OPHN1: variants seen among roughly 807,000 people sequenced by gnomAD.
The protein encoded by OPHN1 is oligophrenin-1.
Under a neutral mutation model 60.7 loss-of-function variants are expected in OPHN1, and 11 were observed. The ratio of observed to expected loss-of-function variants is 0.18; its 90% confidence interval spans 0.11 to 0.30. The LOEUF (loss-of-function observed/expected upper bound fraction) is 0.30, where lower values mean the gene tolerates loss of function less well. Ranked by LOEUF, OPHN1 falls within the 10% of genes least tolerant of loss-of-function variation. The pLI is 1.00. For missense variants in OPHN1, 449 were observed against 611.0 expected, an observed-to-expected ratio of 0.73 and a Z score of 2.80; for synonymous variants, 226 against 222.6, an observed-to-expected ratio of 1.02 and a Z score of -0.14.
At chrX:68,422,782 A>AAAGAGAGAGAGGGAGGGAGG (rs2078835038) in intron 2 of OPHN1, among the ~76,000 whole-genome samples, 2 of 63,196 alleles carry the variant, frequency 3.2e-5, no homozygotes, top group Non-Finnish European at 5.8e-5. Context: ...AGAAAGAAAG[A>AAAGAGAGAGAGGGAGGGAGG]GAGAGAGGGA....
intron 15 of OPHN1, among the ~76,000 whole-genome samples, chrX:68,135,950 G>A (rs1328432199): frequency 9.0e-6 from 1 of 111,537 alleles, no homozygotes; most frequent in Non-Finnish European, 1.9e-5. Context: ...TTCAGTGAAG[G>A]TGCCAAATAA....
intron 19 of OPHN1, among the ~76,000 whole-genome samples, chrX:68,090,273 T>TGTGTGTGTAG (rs1299278334): frequency 9.1e-6 from 1 of 109,934 alleles, no homozygotes; most frequent in Non-Finnish European, 1.9e-5. Context: ...TGTGTGTGTG[T>TGTGTGTGTAG]GTAGGTAGGT....
At chrX:68,426,201 G>A (rs2078854713) in intron 2 of OPHN1, among the ~76,000 whole-genome samples, 1 of 111,193 alleles carries the variant, frequency 9.0e-6, no homozygotes, top group Non-Finnish European at 1.9e-5. Context: ...AGCACTTTGG[G>A]AGGCCGAGAT....
intron 2 of OPHN1, among the ~76,000 whole-genome samples, chrX:68,335,293 TTCTCTA>T (rs2078316804): frequency 9.0e-6 from 1 of 111,615 alleles, no homozygotes; most frequent in Non-Finnish European, 1.9e-5. Flanking sequence ...ACAGTTCTCT[TTCTCTA>T]TGCCAGTGGT....
chrX:68,077,245 G>A (rs1465430109), intron 19 of OPHN1, among the ~76,000 whole-genome samples: 1 of 111,068 alleles, frequency 9.0e-6, no homozygotes, highest in East Asian at 2.8e-4. Context: ...CTGTTATTGG[G>A]AGGATGATTT....
rs1469210993 is a variant in OPHN1 at position 68,101,279 on chromosome X, A to G, written c.1527-4250T>C. 4.4e-5 allele frequency among the ~76,000 whole-genome samples: 5 copies of G among 112,398 alleles called. No homozygotes were observed. The East Asian group carries it at 1.4e-3, about 31-fold the overall frequency. On this transcript the variant is annotated intron_variant, in intron 18 of 24. Transcript: ENST00000355520. The stretch of plus-strand genomic sequence containing the variant: ...AAATAGAAAATAAACTCAACAATGA[A>G]CATAATTTAACTTAAGTGACTATAA...
intron 2 of OPHN1, among the ~76,000 whole-genome samples, chrX:68,411,791 A>C (rs1422763716): frequency 9.0e-6 from 1 of 111,320 alleles, no homozygotes; most frequent in Non-Finnish European, 1.9e-5. Context: ...CCATTTGTCA[A>C]TTTTTTTGTT....
chrX:68,300,271 C>A (rs2078113806), intron 2 of OPHN1, among the ~76,000 whole-genome samples: 1 of 111,890 alleles, frequency 8.9e-6, no homozygotes, highest in African/African-American at 3.2e-5. Context: ...AGGCAAGCAA[C>A]CACACTGAGT....
chrX:68,209,860 C>A (rs985333152), intron 9 of OPHN1, among the ~76,000 whole-genome samples: 8 of 111,625 alleles, frequency 7.2e-5, no homozygotes, highest in Non-Finnish European at 1.1e-4. Context: ...TCCTCTACTT[C>A]CCTTTTTTCC....
chrX:68,266,655 C>T (rs776273693), intron 5 of OPHN1, among the ~76,000 whole-genome samples: 32 of 111,430 alleles, frequency 2.9e-4, no homozygotes, highest in Non-Finnish European at 5.6e-4. Context: ...ATCGTAATGA[C>T]AGGATCAAAT....
At position 68,070,385 on chromosome X, in the gene OPHN1, A is replaced by T. The variant is rs150138412; in HGVS notation, c.1834+2767T>A. On this transcript the variant is annotated intron_variant, in intron 20 of 24. Coordinates refer to ENST00000355520, the MANE Select transcript of OPHN1 (RefSeq NM_002547.3). ...AGCTGAGATGCTGTGCAACTGTTTA[A>T]GGGTTCCTGGCACTGCATCTCTTGG... 2.9e-3 allele frequency: 1,402 copies of T among 485,702 alleles called. 13 individuals carry two copies. Among genetic ancestry groups the T allele is most frequent in the African/African-American group, 0.029 (1,230 of 42,960 alleles). The allele number at this position is 485,702 out of a possible 1,213,427, so 40.0% of individuals were successfully genotyped here.
intron 3 of OPHN1, among the ~76,000 whole-genome samples, chrX:68,285,297 A>C (rs999935630): frequency 9.0e-6 from 1 of 111,329 alleles, no homozygotes; most frequent in African/African-American, 3.3e-5. Context: ...CAAGTGTCTT[A>C]AGTTGGAAAG....
At chrX:68,115,304 T>A (rs777326331) in intron 16 of OPHN1, among the ~76,000 whole-genome samples, 1 of 112,440 alleles carries the variant, frequency 8.9e-6, no homozygotes, top group African/African-American at 3.2e-5. Flanking sequence ...AAATAAAGGT[T>A]CAATGTGCAA....
chrX:68,141,182 G>A (rs2077240995), intron 15 of OPHN1, among the ~76,000 whole-genome samples: 1 of 111,646 alleles, frequency 9.0e-6, no homozygotes, highest in South Asian at 3.8e-4. Context: ...AAGGTCAAGG[G>A]AACAAATCCC....
At chrX:68,426,248 C>T (rs957424185) in intron 2 of OPHN1, among the ~76,000 whole-genome samples, 3 of 110,398 alleles carry the variant, frequency 2.7e-5, no homozygotes, top group African/African-American at 9.8e-5. Flanking sequence ...CGAGACCAGC[C>T]TGGTCAGCAT....
chrX:68,067,541 C>T (rs908740715), intron 20 of OPHN1, among the ~76,000 whole-genome samples: 5 of 110,731 alleles, frequency 4.5e-5, no homozygotes, highest in African/African-American at 6.6e-5. Context: ...TTAAACATCC[C>T]TTTGGGTTCA....
At chrX:68,061,852 C>G (rs989943146) in intron 21 of OPHN1, among the ~76,000 whole-genome samples, 9 of 110,942 alleles carry the variant, frequency 8.1e-5, no homozygotes, top group Middle Eastern at 4.7e-3. Context: ...TGTACTGGAC[C>G]CCCTCCCATC....
intron 2 of OPHN1, among the ~76,000 whole-genome samples, chrX:68,402,050 C>T (rs1035146579): frequency 9.0e-6 from 1 of 111,568 alleles, no homozygotes; most frequent in African/African-American, 3.3e-5. Context: ...TAGTTTCAAA[C>T]AGTTCATCTG....
intron 15 of OPHN1, among the ~76,000 whole-genome samples, chrX:68,172,032 T>C (rs950987544): frequency 9.0e-6 from 1 of 111,239 alleles, no homozygotes; most frequent in Non-Finnish European, 1.9e-5. Flanking sequence ...GAATGTAAAA[T>C]AGTGCAGTCA....
Sources: gnomAD v4.1 joint callset for allele counts (sites outside exome capture counted in the v4.1 genomes callset) on GRCh38, gnomAD v4.1.1 for gene constraint, MANE v1.5 for transcripts, NCBI Gene and HGNC (gene_info 2026-07-23, HGNC 2026-07-21) for gene names.